The following PPIC variants were observed in gnomAD, a reference collection of about 807,000 sequenced individuals.
PPIC encodes peptidylprolyl isomerase C.
PPIC carries 19 observed loss-of-function variants against 19.5 expected under a neutral mutation model. The observed-to-expected ratio is 0.98, with a 90% CI of 0.68 to 1.43. The LOEUF is 1.43. PPIC is among the 40% of genes most tolerant of loss of function. The pLI, the probability that PPIC is intolerant of heterozygous loss-of-function variation, is 0.00. For synonymous variants in PPIC, 107 were observed against 101.2 expected (o/e 1.06, Z -0.34); for missense variants, 268 against 268.6 (o/e 1.00, Z 0.02).
At chr5:123,024,350 TATAAG>T in intron 4 of PPIC, among the ~76,000 whole-genome samples, 1 of 152,212 alleles carries the variant, frequency 6.6e-6, no homozygotes, top group Non-Finnish European at 1.5e-5. Context: ...ATTCACCTGG[TATAAG>T]CCAGCGTAAC....
intron 3 of PPIC, 34 bp from the exon 4 acceptor site, chr5:123,026,002 T>C (rs760144573): frequency 1.9e-6 from 3 of 1,551,520 alleles, no homozygotes; most frequent in Non-Finnish European, 2.6e-6. Context: ...TCAACAGATG[T>C]CTTCCAAAAG....
intron 3 of PPIC, among the ~76,000 whole-genome samples, chr5:123,028,288 A>C (rs1453351094): frequency 6.6e-6 from 1 of 152,090 alleles, no homozygotes; most frequent in Admixed American, 6.6e-5. Flanking sequence ...CTTGTTTTTC[A>C]CTGTTTTGTC....
intron 1 of PPIC, among the ~76,000 whole-genome samples, chr5:123,031,877 A>T (rs539055070): frequency 1.1e-4 from 17 of 152,238 alleles, no homozygotes; most frequent in African/African-American, 4.1e-4. Flanking sequence ...GCTCACTGCA[A>T]CCCCTGCCTC....
intron 1 of PPIC, among the ~76,000 whole-genome samples, chr5:123,033,091 C>G (rs1389903435): frequency 2.0e-5 from 3 of 152,220 alleles, no homozygotes; most frequent in African/African-American, 7.2e-5. Context: ...AGCTCCACCA[C>G]TCAATGGCCA....
At chr5:123,026,054 T>C in intron 3 of PPIC, 86 bp from the exon 4 acceptor site, 3 of 1,168,936 alleles carry the variant, frequency 2.6e-6, no homozygotes, top group Non-Finnish European at 3.6e-6. Flanking sequence ...GAGGAATCAA[T>C]TACTAGAACC....
At chr5:123,029,086 G>C (rs1461884465) in intron 2 of PPIC, 1 of 933,870 alleles carries the variant, frequency 1.1e-6, no homozygotes, top group Admixed American at 2.9e-5. Flanking sequence ...AGTTAAAAGA[G>C]AGCAAACCAT....
Position 123,029,156 on chromosome 5 carries a change from A to C in PPIC, c.231+149T>G. On this transcript the variant is annotated intron_variant, in intron 2 of 4. Transcript: ENST00000306442. Reference sequence around the variant, plus strand: ...AGAAGCCTAAGGGCACTGAGTGCCCAAATAATACATATTTAATTGGAAAAT... The same window carrying C: ...AGAAGCCTAAGGGCACTGAGTGCCCCAATAATACATATTTAATTGGAAAAT... 6.2e-6 allele frequency: 9 copies of C among 1,462,898 alleles called. No individual in the cohort carries two copies. In the South Asian group the frequency reaches 1.0e-4, roughly 17 times the overall value. 90.6% of individuals were successfully genotyped at this position (1,462,898 alleles called of 1,614,324 possible).
At chr5:123,024,245 C>T (rs777386569) in intron 4 of PPIC, among the ~76,000 whole-genome samples, 2 of 152,196 alleles carry the variant, frequency 1.3e-5, no homozygotes, top group Non-Finnish European at 2.9e-5. Context: ...AGAGACCACA[C>T]TGGTATATTT....
At chr5:123,026,682 G>A (rs750136156) in intron 3 of PPIC, among the ~76,000 whole-genome samples, 15 of 152,196 alleles carry the variant, frequency 9.9e-5, no homozygotes, top group Non-Finnish European at 1.9e-4. Context: ...GATGACAATT[G>A]GGAGCACCCA....
At chr5:123,027,849 A>G (rs987643045) in intron 3 of PPIC, among the ~76,000 whole-genome samples, 2 of 152,256 alleles carry the variant, frequency 1.3e-5, no homozygotes, top group African/African-American at 4.8e-5. Flanking sequence ...TATATGGTGT[A>G]TGTTCAAGAA....
At chr5:123,032,202 T>A (rs1386463103) in intron 1 of PPIC, among the ~76,000 whole-genome samples, 3 of 152,188 alleles carry the variant, frequency 2.0e-5, no homozygotes, top group Non-Finnish European at 4.4e-5. Flanking sequence ...GTAACCCACA[T>A]CATCTTATAT....
intron 2 of PPIC, 161 bp downstream of exon 2, chr5:123,029,144 C>T (rs1168974407): frequency 2.2e-6 from 3 of 1,356,142 alleles, no homozygotes; most frequent in East Asian, 2.5e-5. Flanking sequence ...AGCCTAAGGG[C>T]ACTGAGTGCC....
intron 2 of PPIC, 45 bp from the exon 3 acceptor site, chr5:123,028,913 C>T (rs1462270708): frequency 1.3e-5 from 19 of 1,464,432 alleles, no homozygotes; most frequent in Non-Finnish European, 1.8e-5. Flanking sequence ...AGAGGCCATA[C>T]TGAAAGATAA....
chr5:123,034,866 G>A (rs1201973840), intron 1 of PPIC, among the ~76,000 whole-genome samples: 1 of 152,134 alleles, frequency 6.6e-6, no homozygotes, highest in African/African-American at 2.4e-5. Flanking sequence ...ACTCTGGCAT[G>A]GTGCCCTGAA....
At position 123,035,920 on chromosome 5, in the gene PPIC, C is replaced by T. The variant is rs45552538; in HGVS notation, c.117+589G>A. On this transcript the variant is annotated intron_variant, in intron 1 of 4. Transcript: ENST00000306442. ...TAGCCCACAGCAGGGGCCGCCCGCCCGCCGAAGTTGAAGGCGCACCTCCCC... is the reference window on the plus strand; with the variant it reads ...TAGCCCACAGCAGGGGCCGCCCGCCTGCCGAAGTTGAAGGCGCACCTCCCC... Among the ~76,000 whole-genome samples the T allele has an allele frequency of 9.1e-4, 139 of 152,218 alleles. No homozygotes were observed. The East Asian group carries it at 0.025, about 27-fold the overall frequency.
Position 123,023,654 on chromosome 5 carries a change from G to T in PPIC, c.*221C>A. 1 of 500,986 alleles carries T rather than the reference G, an allele frequency of 2.0e-6. No individual in the cohort carries two copies. 31.0% of individuals were successfully genotyped at this position (500,986 alleles called of 1,614,324 possible). A position where few individuals can be genotyped will look rare whatever the true frequency, so the allele number is the denominator to read the frequency against. On this transcript the variant is annotated 3_prime_UTR_variant, in exon 5 of 5. Coordinates refer to ENST00000306442, the MANE Select transcript of PPIC (RefSeq NM_000943.5). ...TAAAATAGCACCACTTGAGGAAGGGGATATATTTAAGTTCAAAGTCCCTAA... is the reference window on the plus strand; with the variant it reads ...TAAAATAGCACCACTTGAGGAAGGGTATATATTTAAGTTCAAAGTCCCTAA...
chr5:123,029,642 G>A (rs780573637), intron 1 of PPIC, among the ~76,000 whole-genome samples: 1 of 152,036 alleles, frequency 6.6e-6, no homozygotes, highest in Non-Finnish European at 1.5e-5. Context: ...ACCACCCATG[G>A]GCCAGGCACT....
Position 123,028,871 on chromosome 5 carries a change from A to G in PPIC, c.232-3T>C, listed in dbSNP as rs780240542. The G allele has an allele frequency of 6.3e-7, 1 of 1,594,432 alleles. No homozygotes were observed. The highest frequency in any genetic ancestry group is 1.1e-5 in the South Asian group (1 of 90,470). On this transcript the variant is annotated splice_region_variant and splice_polypyrimidine_tract_variant and intron_variant, in intron 2 of 4. Transcript: ENST00000306442. ...CTTCCTTTATATCCATATCCTTTCT[A>G]AAGAGATTACTTCAGTTGAATAACA...
At chr5:123,031,268 TAA>T (rs1035853589) in intron 1 of PPIC, among the ~76,000 whole-genome samples, 1 of 152,068 alleles carries the variant, frequency 6.6e-6, no homozygotes, top group African/African-American at 2.4e-5. Flanking sequence ...CAGTTTAAAA[TAA>T]AGAGATAGGA....
Sources: allele counts gnomAD v4.1 joint callset (sites outside exome capture counted in the v4.1 genomes callset), GRCh38; gene constraint gnomAD v4.1.1; transcripts MANE v1.5; gene names NCBI Gene and HGNC (gene_info 2026-07-23, HGNC 2026-07-21).